The following TUT4 variants were observed in gnomAD, a reference collection of about 807,000 sequenced individuals.
TUT4 encodes terminal uridylyl transferase 4, also known as terminal uridylyltransferase 4.
Under a neutral mutation model 192.2 loss-of-function variants are expected in TUT4, and 36 were observed. The observed-to-expected ratio is 0.19, with a 90% confidence interval of 0.14 to 0.25. The LOEUF is 0.25. Among genes scored for constraint, TUT4 ranks in the 10% least tolerant of loss-of-function variants. TUT4 has a pLI of 1.00. For missense variants in TUT4, 1,493 were observed against 1,957.2 expected, an observed-to-expected ratio of 0.76 and a Z score of 4.47; for synonymous variants, 618 against 666.0, an observed-to-expected ratio of 0.93 and a Z score of 1.11.
chr1:52,464,545 C>T (rs1046613862), intron 16 of TUT4, among the ~76,000 whole-genome samples: 9 of 152,142 alleles, frequency 5.9e-5, no homozygotes, highest in African/African-American at 9.7e-5. Flanking sequence ...TGAGCTACCA[C>T]GCCCAGCCCT....
chr1:52,431,715 A>T (rs1037495774), intron 27 of TUT4: 1 of 251,044 alleles, frequency 4.0e-6, no homozygotes. Context: ...CCTATTGCAA[A>T]CTCAAAACTT....
At chr1:52,454,200 C>A (rs1040712313) in intron 20 of TUT4, among the ~76,000 whole-genome samples, 4 of 152,124 alleles carry the variant, frequency 2.6e-5, no homozygotes, top group African/African-American at 7.2e-5. Context: ...TCTAGCAAGT[C>A]ATTTTGTGGA....
At chr1:52,493,307 G>C (rs1054888843) in intron 7 of TUT4, among the ~76,000 whole-genome samples, 1 of 151,926 alleles carries the variant, frequency 6.6e-6, no homozygotes, top group African/African-American at 2.4e-5. Context: ...GGTCCCAAAC[G>C]CCTGACCTCA....
At chr1:52,538,165 G>A (rs1299783779) in intron 1 of TUT4, among the ~76,000 whole-genome samples, 7 of 152,130 alleles carry the variant, frequency 4.6e-5, no homozygotes, top group Non-Finnish European at 8.8e-5. Context: ...GAATCCAGGA[G>A]GTGGAGGTTG....
At chr1:52,443,167 C>T (rs776774479) in intron 24 of TUT4, among the ~76,000 whole-genome samples, 7 of 151,960 alleles carry the variant, frequency 4.6e-5, no homozygotes, top group African/African-American at 1.2e-4. Flanking sequence ...CCTGTAATCC[C>T]AGCTACTTGG....
At chr1:52,490,934 T>C in intron 7 of TUT4, 133 bp from the exon 8 acceptor site, 1 of 751,784 alleles carries the variant, frequency 1.3e-6, no homozygotes, top group Non-Finnish European at 2.1e-6. Flanking sequence ...CTTCTCATTA[T>C]GAGCACCAAC....
chr1:52,513,961 T>A (rs1042106478), intron 3 of TUT4, among the ~76,000 whole-genome samples: 1 of 152,212 alleles, frequency 6.6e-6, no homozygotes, highest in Non-Finnish European at 1.5e-5. Flanking sequence ...AAATCTGCTA[T>A]GTATTAAGTA....
rs925818366 is a variant in TUT4, at chr1:52,525,633, C to G, written c.648G>C (p.Gln216His). The change falls in exon 2 of 30, where the codon CAG becomes CAC. Residue 216 changes from glutamine (Q) to histidine (H), a missense_variant. By Grantham distance (24) the Gln-to-His change is conservative. Around this residue, in one of 7 missense-constraint regions of TUT4, gnomAD observed 260 missense variants for 247.8 expected, o/e 1.05. Coordinates refer to ENST00000257177, the MANE Select transcript of TUT4 (RefSeq NM_001009881.3). Reference sequence around the variant, plus strand: ...AATCACCAGTATTATCTGTACATGTCTGTTGCTTCTGAGATCGTGGTGAGT... The same window carrying G: ...AATCACCAGTATTATCTGTACATGTGTGTTGCTTCTGAGATCGTGGTGAGT... The part of the protein sequence containing the change: ...LQNSPRSQKQ[Q>H]TCTDNTGDSD... 4 of 1,614,160 alleles carry G rather than the reference C, an allele frequency of 2.5e-6. No individual in the cohort carries two copies. The highest frequency in any genetic ancestry group is 1.7e-5 in the Admixed American group (1 of 60,016).
chr1:52,525,476 A>T (rs1428760483), intron 2 of TUT4, 87 bp downstream of exon 2: 1 of 1,482,782 alleles, frequency 6.7e-7, no homozygotes, highest in Non-Finnish European at 9.0e-7. Context: ...ATTATGTATA[A>T]ACATGACTTT....
At chr1:52,514,402 A>G (rs985048104) in intron 3 of TUT4, among the ~76,000 whole-genome samples, 1 of 152,118 alleles carries the variant, frequency 6.6e-6, no homozygotes, top group Admixed American at 6.5e-5. Flanking sequence ...GATCATGCCA[A>G]TGTACTCCAA....
chr1:52,486,647 T>A (rs1360603747), intron 9 of TUT4, among the ~76,000 whole-genome samples: 3 of 152,308 alleles, frequency 2.0e-5, no homozygotes, highest in South Asian at 2.1e-4. Flanking sequence ...ATGAAAAAAC[T>A]TTCTTTGCAA....
At chr1:52,500,465 C>G (rs557880053) in intron 4 of TUT4, among the ~76,000 whole-genome samples, 2 of 151,774 alleles carry the variant, frequency 1.3e-5, no homozygotes, top group Non-Finnish European at 3.0e-5. Context: ...TCCACCTCTA[C>G]AAAAATAAAA....
At chr1:52,540,514 C>CAAA (rs541547657) in intron 1 of TUT4, among the ~76,000 whole-genome samples, 2 of 113,022 alleles carry the variant, frequency 1.8e-5, no homozygotes, top group Non-Finnish European at 2.0e-5. Flanking sequence ...GACTCCGACT[C>CAAA]AAAAAAAAAA....
chr1:52,511,530 G>A (rs1014152418), intron 3 of TUT4, among the ~76,000 whole-genome samples: 6 of 152,118 alleles, frequency 3.9e-5, no homozygotes, highest in South Asian at 2.1e-4. Context: ...GGGGTCGGGG[G>A]AGTTACTGCT....
chr1:52,486,570 T>A (rs887804210), intron 9 of TUT4, among the ~76,000 whole-genome samples: 15 of 152,176 alleles, frequency 9.9e-5, no homozygotes, highest in African/African-American at 2.9e-4. Context: ...AAAGCTATTT[T>A]AAAAAAATCT....
At chr1:52,497,330 C>CA (rs1285260969) in intron 4 of TUT4, 147 bp from the exon 5 acceptor site, 5 of 794,450 alleles carry the variant, frequency 6.3e-6, no homozygotes, top group Admixed American at 6.7e-5. Context: ...CGGAAGTGAA[C>CA]AAAAGACTTC....
intron 1 of TUT4, among the ~76,000 whole-genome samples, chr1:52,540,667 C>T (rs772129603): frequency 6.6e-6 from 1 of 152,136 alleles, no homozygotes; most frequent in Non-Finnish European, 1.5e-5. Context: ...CTGTTTATGA[C>T]TTGCCTAAGA....
intron 9 of TUT4, among the ~76,000 whole-genome samples, chr1:52,487,428 C>T (rs1003636661): frequency 1.3e-5 from 2 of 151,858 alleles, no homozygotes; most frequent in Non-Finnish European, 2.9e-5. Flanking sequence ...CACTAGGTGA[C>T]AGAGACCTCA....
chr1:52,503,939 C>A (rs1427788170), intron 4 of TUT4, among the ~76,000 whole-genome samples: 1 of 152,208 alleles, frequency 6.6e-6, no homozygotes, highest in Non-Finnish European at 1.5e-5. Context: ...ATGATTTCAA[C>A]TGCTGAAGTT....
Sources: gnomAD v4.1 joint callset for allele counts (sites outside exome capture counted in the v4.1 genomes callset) on GRCh38, gnomAD v4.1.1 for gene constraint, gnomAD v4.1.1 regional missense constraint, MANE v1.5 for transcripts, NCBI Gene and HGNC (gene_info 2026-07-23, HGNC 2026-07-21) for gene names.